The following CDK19 variants were observed in gnomAD, a reference collection of about 807,000 sequenced individuals.
The protein encoded by CDK19 is cyclin-dependent kinase 19.
In CDK19, 20 loss-of-function variants were observed where a neutral mutation model predicts 68.3. The ratio of observed to expected loss-of-function variants is 0.29; its 90% CI spans 0.21 to 0.43. The LOEUF is 0.43. Among genes scored for constraint, CDK19 ranks in the 20% least tolerant of loss-of-function variants. The pLI, the probability that CDK19 is intolerant of heterozygous loss-of-function variation, is 1.00. For missense variants in CDK19, 339 were observed against 623.5 expected (o/e 0.54, Z 4.86); for synonymous variants, 221 against 222.8 (o/e 0.99, Z 0.07).
chr6:110,635,568 C>T (rs1310106859), intron 5 of CDK19, among the ~76,000 whole-genome samples: 1 of 152,190 alleles, frequency 6.6e-6, no homozygotes, highest in East Asian at 1.9e-4. Context: ...CATATGGAGT[C>T]TTGCTCTGTC....
intron 2 of CDK19, among the ~76,000 whole-genome samples, chr6:110,702,089 C>G (rs899052358): frequency 7.3e-5 from 11 of 151,428 alleles, no homozygotes; most frequent in African/African-American, 2.2e-4. Context: ...TGCAGTGAGC[C>G]GAGATTGTTC....
At chr6:110,814,634 G>A in intron 1 of CDK19, 3 of 481,268 alleles carry the variant, frequency 6.2e-6, no homozygotes, top group Non-Finnish European at 1.2e-5. Context: ...CCCAGGGCCG[G>A]AGCGGCAACT....
intron 2 of CDK19, among the ~76,000 whole-genome samples, chr6:110,684,945 G>A (rs1177826590): frequency 6.6e-6 from 1 of 151,916 alleles, no homozygotes; most frequent in Non-Finnish European, 1.5e-5. Context: ...TAGAGACCAG[G>A]CTGGCCAACA....
chr6:110,766,819 G>GT (rs970934603), intron 1 of CDK19, among the ~76,000 whole-genome samples: 16 of 151,802 alleles, frequency 1.1e-4, no homozygotes, highest in African/African-American at 3.4e-4. Flanking sequence ...GGGCAATATA[G>GT]TGAGACCCTG....
chr6:110,691,240 C>T (rs975455983), intron 2 of CDK19, among the ~76,000 whole-genome samples: 10 of 152,104 alleles, frequency 6.6e-5, no homozygotes. Context: ...TCTGGGAGGC[C>T]AAGGTGGGCA....
chr6:110,700,185 T>C (rs973306354), intron 2 of CDK19, among the ~76,000 whole-genome samples: 4 of 152,230 alleles, frequency 2.6e-5, no homozygotes, highest in Non-Finnish European at 4.4e-5. Flanking sequence ...TACCCCCAGA[T>C]AGAATCATCT....
chr6:110,790,405 G>A (rs1278193677), intron 1 of CDK19, among the ~76,000 whole-genome samples: 3 of 152,054 alleles, frequency 2.0e-5, no homozygotes, highest in African/African-American at 7.2e-5. Context: ...CGTGGTGGCA[G>A]GTGCCTGTAA....
intron 2 of CDK19, among the ~76,000 whole-genome samples, chr6:110,734,520 G>GCTCTCTCTCTCTCTCCCTCT (rs1777055472): frequency 2.3e-5 from 2 of 85,734 alleles, no homozygotes; most frequent in African/African-American, 4.2e-5. Flanking sequence ...GGTGAGCACT[G>GCTCTCTCTCTCTCTCCCTCT]CTCTCTCTCT....
chr6:110,699,824 C>T (rs1773836891), intron 2 of CDK19, among the ~76,000 whole-genome samples: 1 of 152,120 alleles, frequency 6.6e-6, no homozygotes, highest in Admixed American at 6.5e-5. Flanking sequence ...AGTCAAAAAG[C>T]TAACAAAATG....
At chr6:110,805,184 T>C (rs1008742420) in intron 1 of CDK19, among the ~76,000 whole-genome samples, 8 of 152,188 alleles carry the variant, frequency 5.3e-5, no homozygotes, top group Non-Finnish European at 1.0e-4. Context: ...TATTTGTAAA[T>C]GGACAAAAAT....
chr6:110,810,780 A>G (rs905877755), intron 1 of CDK19, among the ~76,000 whole-genome samples: 2 of 152,080 alleles, frequency 1.3e-5, no homozygotes, highest in Non-Finnish European at 2.9e-5. Flanking sequence ...TCTCAAAAAA[A>G]AAAAAGAAAA....
chr6:110,702,421 C>T (rs1034800065), intron 2 of CDK19, among the ~76,000 whole-genome samples: 8 of 150,848 alleles, frequency 5.3e-5, no homozygotes, highest in East Asian at 2.0e-4. Context: ...CACTGCAGCC[C>T]GGGCAACATA....
chr6:110,632,384 T>C (rs896271529), intron 5 of CDK19, among the ~76,000 whole-genome samples: 4 of 152,172 alleles, frequency 2.6e-5, no homozygotes, highest in Non-Finnish European at 4.4e-5. Flanking sequence ...TTATCTACCA[T>C]CAGAAGGACA....
chr6:110,706,326 T>C (rs1774469410), intron 2 of CDK19: 1 of 151,636 alleles, frequency 6.6e-6, no homozygotes, highest in South Asian at 2.1e-4. Flanking sequence ...GTGCTAGGAT[T>C]ACAGAAGTGA....
At chr6:110,760,500 G>A (rs991558706) in intron 1 of CDK19, among the ~76,000 whole-genome samples, 3 of 152,002 alleles carry the variant, frequency 2.0e-5, no homozygotes, top group African/African-American at 7.3e-5. Flanking sequence ...GGCTGAGGCG[G>A]GAGGATTACT....
At chr6:110,747,146 T>C (rs761622946) in intron 1 of CDK19, among the ~76,000 whole-genome samples, 6 of 152,204 alleles carry the variant, frequency 3.9e-5, no homozygotes, top group African/African-American at 1.4e-4. Context: ...TTTTGTCAAA[T>C]ATAGCGCCAA....
At position 110,621,369 on chromosome 6, in the gene CDK19, T is replaced by G; in HGVS notation, c.1112A>C (p.Asn371Thr). 6.5e-7 allele frequency: 1 copy of G among 1,539,028 alleles called. No homozygotes were observed. The highest frequency in any genetic ancestry group is 8.7e-7 in the Non-Finnish European group (1 of 1,146,040). ...ATGCTGGTTCTGCTGCTGTTGCTGA[T>G]TCTTTTAAGGGGAAAAAAGCAAGCT... The part of the protein sequence containing the change: ...EDDPEEKGDK[N>T]QQQQQNQHQQ... The change falls in exon 12 of 13, where the codon AAT (asparagine) becomes ACT (threonine). Residue 371 changes from asparagine to threonine, a missense_variant and splice_region_variant. Asn to Thr is a moderately conservative substitution (Grantham distance 65). Coordinates refer to ENST00000368911, the MANE Select transcript of CDK19 (RefSeq NM_015076.5). This position sits in a 1 kb window ranked among gnomAD's most constrained non-coding sequence, Gnocchi z 5.4.
At chr6:110,699,633 G>A (rs190071380) in intron 2 of CDK19, among the ~76,000 whole-genome samples, 3 of 151,928 alleles carry the variant, frequency 2.0e-5, no homozygotes, top group Non-Finnish European at 2.9e-5. Flanking sequence ...TACACTACTC[G>A]GGTATGAGGT....
At chr6:110,616,775 G>A (rs1778340481) in intron 12 of CDK19, among the ~76,000 whole-genome samples, 1 of 151,868 alleles carries the variant, frequency 6.6e-6, no homozygotes, top group Non-Finnish European at 1.5e-5. Flanking sequence ...TTTTAATTAC[G>A]TGTTTTATTT....
Sources: allele counts gnomAD v4.1 joint callset (sites outside exome capture counted in the v4.1 genomes callset), GRCh38; gene constraint gnomAD v4.1.1; non-coding constraint Gnocchi (gnomAD v3.1); transcripts MANE v1.5; gene names NCBI Gene and HGNC (gene_info 2026-07-23, HGNC 2026-07-21).